The following ANK2 variants were observed in gnomAD, a reference collection of about 807,000 sequenced individuals.
ANK2 encodes the protein ankyrin-2.
Under a neutral mutation model 360.5 loss-of-function variants are expected in ANK2, and 83 were observed. The ratio of observed to expected loss-of-function variants is 0.23; its 90% confidence interval spans 0.19 to 0.28. The LOEUF is 0.28. Among genes scored for constraint, ANK2 ranks in the 10% least tolerant of loss-of-function variants. The pLI is 1.00. For missense variants in ANK2, 4,201 were observed against 4,795.7 expected, an observed-to-expected ratio of 0.88 and a Z score of 3.66; for synonymous variants, 1,740 against 1,759.5, an observed-to-expected ratio of 0.99 and a Z score of 0.28.
the ANK2 span, among the ~76,000 whole-genome samples, chr4:112,782,061 C>T: frequency 6.6e-5 from 10 of 152,102 alleles, 1 homozygote; most frequent in Admixed American, 6.6e-4. Flanking sequence ...AACTCCTGAC[C>T]TCGTGATCCG....
intron 3 of ANK2, among the ~76,000 whole-genome samples, chr4:113,197,928 G>C (rs1473185519): frequency 1.3e-5 from 2 of 152,092 alleles, no homozygotes; most frequent in African/African-American, 4.8e-5. Flanking sequence ...CAGCTACTTT[G>C]GAGGCTGTAG....
intron 27 of ANK2, 122 bp downstream of exon 27, chr4:113,330,592 G>A: frequency 9.9e-7 from 1 of 1,010,016 alleles, no homozygotes; most frequent in South Asian, 1.5e-5. Context: ...CAGCACCAAT[G>A]ACATTTTTAA....
chr4:112,764,342 A>AT, the ANK2 span, among the ~76,000 whole-genome samples: 728 of 147,710 alleles, frequency 4.9e-3, 5 homozygotes, highest in Non-Finnish European at 8.6e-3. Context: ...TGCTCTCTGT[A>AT]TTTTTTTTTT....
At chr4:113,092,085 T>A (rs1007790723) in intron 1 of ANK2, among the ~76,000 whole-genome samples, 1 of 145,052 alleles carries the variant, frequency 6.9e-6, no homozygotes, top group Non-Finnish European at 1.6e-5. Context: ...TATTTCCATT[T>A]TAAATGTCAT....
chr4:112,969,178 C>A (rs946549427), intron 2 of ANK2, among the ~76,000 whole-genome samples: 1 of 152,162 alleles, frequency 6.6e-6, no homozygotes, highest in Non-Finnish European at 1.5e-5. Context: ...ACCCTTCAGA[C>A]CCTAGGCACT....
At chr4:112,853,330 G>A (rs1476455523) in intron 1 of ANK2, among the ~76,000 whole-genome samples, 1 of 151,974 alleles carries the variant, frequency 6.6e-6, no homozygotes, top group Non-Finnish European at 1.5e-5. Context: ...GCCTCCCAAA[G>A]TGCTGGGATT....
intron 1 of ANK2, among the ~76,000 whole-genome samples, chr4:113,155,537 C>T (rs115982564): frequency 0.012 from 1,868 of 151,628 alleles, 57 homozygotes; most frequent in African/African-American, 0.044. Context: ...TACTTATGAC[C>T]CACACTAAAA....
rs184499391 is a variant in ANK2 at position 113,170,283 on chromosome 4, A to G, written c.85-4133A>G. Among the ~76,000 whole-genome samples the G allele has an allele frequency of 2.3e-4, 35 of 152,322 alleles. 1 individual carries two copies. In the East Asian group the frequency reaches 6.7e-3, roughly 29 times the overall value. On this transcript the variant is annotated intron_variant, in intron 1 of 45. Coordinates refer to ENST00000357077, the MANE Select transcript of ANK2 (RefSeq NM_001148.6). ...GGTCAGTGCACGTTGGACTATATGA[A>G]GATAGCATCTGAGCATATGTTAATA...
intron 2 of ANK2, among the ~76,000 whole-genome samples, chr4:113,007,957 A>G (rs1441710805): frequency 6.6e-6 from 1 of 152,122 alleles, no homozygotes; most frequent in Non-Finnish European, 1.5e-5. Context: ...TAGTGAACTC[A>G]AGCATTCCAG....
chr4:113,357,378 T>C lies in ANK2; in HGVS notation c.8760T>C (p.Tyr2920=). 5 of 1,614,080 alleles carry C rather than the reference T, an allele frequency of 3.1e-6. No individual in the cohort carries two copies. Among genetic ancestry groups the C allele is most frequent in the Non-Finnish European group, 4.2e-6 (5 of 1,179,968 alleles). ...ACCTAGCTGAGAATGATGAAATCTA[T>C]GATCCACAAATCACTAGCCCTTATG... The part of the protein sequence containing the change: ...VSDLAENDEI[Y]DPQITSPYEN... Residue 2920 remains tyrosine, a synonymous_variant, in exon 38 of 46, where the codon TAT becomes TAC. Transcript: ENST00000357077.
rs758652829 is a variant in ANK2 at position 113,339,294 on chromosome 4, G to C, written c.3865G>C (p.Val1289Leu). The change falls in exon 32 of 46, where the codon GTT (valine) becomes CTT (leucine). Residue 1289 changes from valine (V) to leucine (L), a missense_variant. Val to Leu is a conservative substitution (Grantham distance 32). This residue lies in a region of ANK2 where 1,268 missense variants were observed against 1,650.8 expected (regional missense o/e 0.77). Coordinates refer to ENST00000357077, the MANE Select transcript of ANK2 (RefSeq NM_001148.6). ...TTPLTFVNEC[V>L]SFTTNVSARF... ...GCCATTAACATTTGTCAATGAATGT[G>C]TTTCCTTTACAACAAACGTGTCTGC... 2.0e-5 allele frequency: 32 copies of C among 1,613,806 alleles called. No homozygotes were observed. Among genetic ancestry groups the C allele is most frequent in the Non-Finnish European group, 2.5e-5 (30 of 1,179,954 alleles).
chr4:112,878,918 C>G (rs912942419), intron 1 of ANK2, among the ~76,000 whole-genome samples: 1 of 152,172 alleles, frequency 6.6e-6, no homozygotes, highest in Non-Finnish European at 1.5e-5. Flanking sequence ...CCACTGCGCC[C>G]GGCCCCTGAT....
At chr4:112,760,288 G>C in the ANK2 span, among the ~76,000 whole-genome samples, 2 of 150,382 alleles carry the variant, frequency 1.3e-5, no homozygotes, top group African/African-American at 4.9e-5. Flanking sequence ...TCGGGTTCCC[G>C]CCATTTTCCT....
chr4:112,745,563 C>T, the ANK2 span, among the ~76,000 whole-genome samples: 18 of 109,448 alleles, frequency 1.6e-4, no homozygotes, highest in Admixed American at 1.1e-3. Flanking sequence ...GACAGAGTTT[C>T]GCTCCTGTTG....
chr4:112,969,599 G>A (rs978046971), intron 2 of ANK2, among the ~76,000 whole-genome samples: 6 of 152,186 alleles, frequency 3.9e-5, no homozygotes, highest in East Asian at 1.9e-4. Context: ...CCAATGCTCC[G>A]AAGTGGCAGA....
chr4:112,826,358 A>C, intron 1 of ANK2: 1 of 962,116 alleles, frequency 1.0e-6, no homozygotes, highest in Non-Finnish European at 1.6e-6. Context: ...ACACAGTGAC[A>C]ATGGTCTCAC....
At chr4:112,779,314 C>T in the ANK2 span, among the ~76,000 whole-genome samples, 8 of 152,132 alleles carry the variant, frequency 5.3e-5, no homozygotes, top group South Asian at 4.2e-4. Context: ...GTCAGGAGAT[C>T]GAGACCATCG....
At chr4:113,366,664 C>G (rs919653667) in intron 41 of ANK2, among the ~76,000 whole-genome samples, 8 of 152,008 alleles carry the variant, frequency 5.3e-5, no homozygotes, top group Non-Finnish European at 1.0e-4. Flanking sequence ...CAACATATAC[C>G]TTTTTCTCTC....
At chr4:113,237,662 ATTT>A (rs778910835) in intron 7 of ANK2, 40 bp downstream of exon 7, 1 of 1,554,882 alleles carries the variant, frequency 6.4e-7, no homozygotes, top group South Asian at 1.1e-5. Flanking sequence ...CCTTGTCTTT[ATTT>A]TTAGTTTTTG....
Sources: gnomAD v4.1 joint callset for allele counts (sites outside exome capture counted in the v4.1 genomes callset) on GRCh38, gnomAD v4.1.1 for gene constraint, gnomAD v4.1.1 regional missense constraint, MANE v1.5 for transcripts, NCBI Gene and HGNC (gene_info 2026-07-23, HGNC 2026-07-21) for gene names.